SYCP2L: variants seen among roughly 807,000 people sequenced by gnomAD.
The protein encoded by SYCP2L is synaptonemal complex protein 2 like.
SYCP2L carries 98 observed loss-of-function variants against 125.8 expected under a neutral mutation model. That is an observed-to-expected ratio of 0.78 (90% CI 0.66 to 0.92). The LOEUF is 0.92. Ranked by LOEUF, SYCP2L falls within the 40% of genes least tolerant of loss-of-function variation. SYCP2L has a pLI of 0.00. For missense variants in SYCP2L, 842 were observed against 936.4 expected, an observed-to-expected ratio of 0.90 and a Z score of 1.32; for synonymous variants, 317 against 325.4, an observed-to-expected ratio of 0.97 and a Z score of 0.28.
intron 8 of SYCP2L, 107 bp from the exon 9 acceptor site, chr6:10,905,913 A>G (rs886790011): frequency 1.4e-6 from 1 of 705,736 alleles, no homozygotes; most frequent in Non-Finnish European, 2.4e-6. Flanking sequence ...TGAATTTGAA[A>G]TAGTTTCAGA....
intron 8 of SYCP2L, among the ~76,000 whole-genome samples, chr6:10,905,571 C>T (rs566439206): frequency 1.4e-4 from 21 of 152,234 alleles, no homozygotes; most frequent in Admixed American, 5.2e-4. Context: ...GGATTACAGG[C>T]GTGAGCCACT....
At chr6:10,969,348 A>C (rs1004340046) in intron 29 of SYCP2L, among the ~76,000 whole-genome samples, 2 of 147,134 alleles carry the variant, frequency 1.4e-5, no homozygotes, top group Non-Finnish European at 3.0e-5. Context: ...TTCCCCTTCT[A>C]GGAAATTATC....
intron 29 of SYCP2L, among the ~76,000 whole-genome samples, chr6:10,969,782 T>A (rs2113434348): frequency 6.6e-6 from 1 of 152,240 alleles, no homozygotes; most frequent in African/African-American, 2.4e-5. Flanking sequence ...CTAAATACAG[T>A]CATATGATAT....
chr6:10,903,944 A>G (rs1020859395), intron 8 of SYCP2L, among the ~76,000 whole-genome samples: 2 of 152,170 alleles, frequency 1.3e-5, no homozygotes, highest in Non-Finnish European at 2.9e-5. Flanking sequence ...CAGACGGTAG[A>G]GCCTGCGTGG....
Position 10,902,670 on chromosome 6 carries a change from C to T in SYCP2L, c.467-7C>T. ...ATAAATTTGATGCTTTGAAATTATA[C>T]TTTCAGGGAAAATTCAGATGTTGGA... On this transcript the variant is annotated splice_polypyrimidine_tract_variant and splice_region_variant and intron_variant, in intron 6 of 29. Transcript: ENST00000283141. 1 of 1,611,092 alleles carries T rather than the reference C, an allele frequency of 6.2e-7. No individual in the cohort carries two copies. Among genetic ancestry groups the T allele is most frequent in the East Asian group, 2.2e-5 (1 of 44,862 alleles).
At chr6:10,917,262 A>G (rs1473680974) in intron 14 of SYCP2L, among the ~76,000 whole-genome samples, 1 of 152,158 alleles carries the variant, frequency 6.6e-6, no homozygotes, top group African/African-American at 2.4e-5. Flanking sequence ...CCCCACGATT[A>G]TCGTGTTGCT....
intron 11 of SYCP2L, 42 bp downstream of exon 11, chr6:10,910,242 A>C (rs1780583531): frequency 6.4e-7 from 1 of 1,552,182 alleles, no homozygotes; most frequent in African/African-American, 1.4e-5. Flanking sequence ...TTGTATTCTG[A>C]AAATGTCTAA....
At chr6:10,915,421 A>C (rs1296211299) in intron 14 of SYCP2L, among the ~76,000 whole-genome samples, 1 of 152,106 alleles carries the variant, frequency 6.6e-6, no homozygotes, top group African/African-American at 2.4e-5. Flanking sequence ...GAATGCTTTC[A>C]ACTCTTCCCC....
At chr6:10,961,221 C>G (rs2295599) in intron 26 of SYCP2L, 84 bp from the exon 27 acceptor site, 8 of 1,073,282 alleles carry the variant, frequency 7.5e-6, no homozygotes, top group Middle Eastern at 2.0e-4. Context: ...TCTGAAGTAT[C>G]CTTGTAATCA....
intron 8 of SYCP2L, among the ~76,000 whole-genome samples, chr6:10,904,022 AGTTT>A (rs1780439966): frequency 6.6e-6 from 1 of 152,128 alleles, no homozygotes. Flanking sequence ...ATCACACCTC[AGTTT>A]GTTTGCCTGT....
intron 4 of SYCP2L, among the ~76,000 whole-genome samples, chr6:10,897,464 T>C (rs1581815952): frequency 2.0e-5 from 3 of 150,770 alleles, no homozygotes; most frequent in Admixed American, 1.3e-4. Flanking sequence ...GGCTGGAGAA[T>C]AGTGGTGTGA....
chr6:10,908,686 A>G (rs1780551414), intron 10 of SYCP2L, among the ~76,000 whole-genome samples: 2 of 152,190 alleles, frequency 1.3e-5, no homozygotes, highest in South Asian at 2.1e-4. Flanking sequence ...ACTCTTATGA[A>G]ATATGGACCT....
intron 16 of SYCP2L, 129 bp from the exon 17 acceptor site, chr6:10,927,110 AG>A (rs1173235202): frequency 7.0e-7 from 1 of 1,437,182 alleles, no homozygotes; most frequent in Non-Finnish European, 9.2e-7. Context: ...TGGAGGTTTG[AG>A]GCAGGACCTA....
At chr6:10,941,485 A>G (rs1159460213) in intron 21 of SYCP2L, among the ~76,000 whole-genome samples, 1 of 152,256 alleles carries the variant, frequency 6.6e-6, no homozygotes, top group African/African-American at 2.4e-5. Context: ...AAAAGTGGGC[A>G]AAGGATATGA....
At chr6:10,907,397 A>G (rs1340473283) in intron 9 of SYCP2L, 145 bp from the exon 10 acceptor site, 7 of 585,876 alleles carry the variant, frequency 1.2e-5, no homozygotes, top group Admixed American at 6.3e-5. Flanking sequence ...TTACTCCAGG[A>G]TGCATTTTGC....
In SYCP2L at chr6:10,958,799, C is replaced by T. The variant is rs1781546774; in HGVS notation, c.2179C>T (p.Arg727Cys). Residue 727 changes from arginine to cysteine, a missense_variant, in exon 26 of 30, where the codon CGT becomes TGT. Physicochemically the swap from Arg to Cys is radical, Grantham distance 180. Coordinates refer to ENST00000283141, the MANE Select transcript of SYCP2L (RefSeq NM_001040274.3). ...TATGATTTAGCTTAGGTACAGAAAG[C>T]GTCCGTTTAATTCAGAAAATGCAAA... ...KRKYELRYRKRPFNSENAKKA... is the reference protein window; with the variant it reads ...KRKYELRYRKCPFNSENAKKA... 2.5e-6 allele frequency: 4 copies of T among 1,613,170 alleles called. No homozygotes were observed. Among genetic ancestry groups the T allele is most frequent in the East Asian group, 2.2e-5 (1 of 44,880 alleles).
intron 8 of SYCP2L, among the ~76,000 whole-genome samples, chr6:10,905,703 C>T (rs556249440): frequency 1.3e-5 from 2 of 152,218 alleles, no homozygotes; most frequent in Admixed American, 6.5e-5. Context: ...CAGGTTGGTG[C>T]GGTGATTATA....
At chr6:10,893,238 T>A (rs1780205376) in intron 2 of SYCP2L, among the ~76,000 whole-genome samples, 1 of 152,206 alleles carries the variant, frequency 6.6e-6, no homozygotes, top group Admixed American at 6.5e-5. Context: ...CCTCAGGTGA[T>A]TCGCCTGCCT....
At chr6:10,938,541 T>C (rs1488642374) in intron 21 of SYCP2L, among the ~76,000 whole-genome samples, 1 of 152,170 alleles carries the variant, frequency 6.6e-6, no homozygotes, top group Non-Finnish European at 1.5e-5. Context: ...AACATAGTAC[T>C]GGAAGTCCTA....
Sources: gnomAD v4.1 joint callset for allele counts (sites outside exome capture counted in the v4.1 genomes callset) on GRCh38, gnomAD v4.1.1 for gene constraint, MANE v1.5 for transcripts, NCBI Gene and HGNC (gene_info 2026-07-23, HGNC 2026-07-21) for gene names.